Variants in DDX10 observed in about 807,000 individuals in gnomAD.
The protein encoded by DDX10 is probable ATP-dependent RNA helicase DDX10.
In DDX10, 74 loss-of-function variants were observed where a neutral mutation model predicts 104.3. The ratio of observed to expected loss-of-function variants is 0.71; its 90% CI spans 0.59 to 0.86. The LOEUF (loss-of-function observed/expected upper bound fraction) is 0.86, where lower values mean the gene tolerates loss of function less well. Ranked by LOEUF, DDX10 falls within the 40% of genes least tolerant of loss-of-function variation. The pLI is 0.00. For synonymous variants in DDX10, 351 were observed against 353.4 expected, an observed-to-expected ratio of 0.99 and a Z score of 0.08; for missense variants, 952 against 1,040.0, an observed-to-expected ratio of 0.92 and a Z score of 1.16.
At chr11:108,792,151 C>T (rs75310241) in intron 13 of DDX10, among the ~76,000 whole-genome samples, 2 of 151,988 alleles carry the variant, frequency 1.3e-5, no homozygotes, top group East Asian at 3.9e-4. Flanking sequence ...TTTTAAGATT[C>T]TTGACTATAT....
In DDX10 at chr11:108,677,222, T is replaced by A; in HGVS notation, c.516T>A (p.Ala172=). The change falls in exon 4 of 18, where the codon GCT becomes GCA. Residue 172 remains alanine, a synonymous_variant. Coordinates refer to ENST00000322536, the MANE Select transcript of DDX10 (RefSeq NM_004398.4). Reference sequence around the variant, plus strand: ...TAGGAAAGAATCATGACTTCTCAGCTGGTCTCATCATTGGTGGAAAGGTTT... The same window carrying A: ...TAGGAAAGAATCATGACTTCTCAGCAGGTCTCATCATTGGTGGAAAGGTTT... ...RKVGKNHDFS[A]GLIIGGKDLK... 1 of 1,613,740 alleles carries A rather than the reference T, an allele frequency of 6.2e-7. No individual in the cohort carries two copies. The highest frequency in any genetic ancestry group is 8.5e-7 in the Non-Finnish European group (1 of 1,179,748).
At chr11:108,841,293 C>T (rs1191404814) in intron 14 of DDX10, 22 bp from the exon 15 acceptor site, 1 of 1,607,576 alleles carries the variant, frequency 6.2e-7, no homozygotes, top group Non-Finnish European at 8.5e-7. Context: ...CCTGTTGACA[C>T]TGACCTTTTT....
At chr11:108,703,339 C>CT (rs111256160) in intron 9 of DDX10, among the ~76,000 whole-genome samples, 1 of 113,290 alleles carries the variant, frequency 8.8e-6, no homozygotes, top group Admixed American at 8.6e-5. Flanking sequence ...AAGTGTAGAT[C>CT]TTTTTTTTTG....
intron 9 of DDX10, among the ~76,000 whole-genome samples, chr11:108,699,825 GA>G (rs1197880727): frequency 1.3e-5 from 2 of 152,166 alleles, no homozygotes; most frequent in Admixed American, 6.5e-5. Flanking sequence ...AGTGAAACAA[GA>G]AGAGGTGTGG....
At chr11:108,864,499 G>A (rs1044027708) in intron 16 of DDX10, among the ~76,000 whole-genome samples, 1 of 151,956 alleles carries the variant, frequency 6.6e-6, no homozygotes, top group Non-Finnish European at 1.5e-5. Context: ...TGGTGACAGG[G>A]TCTTACTCTG....
intron 16 of DDX10, among the ~76,000 whole-genome samples, chr11:108,903,007 C>T (rs1300469594): frequency 1.3e-5 from 2 of 152,054 alleles, no homozygotes; most frequent in African/African-American, 4.8e-5. Context: ...CATAGAGTTA[C>T]CATACAACCC....
rs556932497 is a variant in DDX10, at chr11:108,875,901, G to A, written c.2304+23692G>A. On this transcript the variant is annotated intron_variant, in intron 16 of 17. Transcript: ENST00000322536. ...TGGGTTTCACTGTTTTCATACAGAT[G>A]ATGCCTAGCTTATAAGACTGTGGGA... 3.3e-5 allele frequency among the ~76,000 whole-genome samples: 5 copies of A among 152,250 alleles called. No homozygotes were observed. The South Asian group carries it at 1.0e-3, about 32-fold the overall frequency.
At chr11:108,820,946 G>A (rs1862318662) in intron 13 of DDX10, among the ~76,000 whole-genome samples, 1 of 152,224 alleles carries the variant, frequency 6.6e-6, no homozygotes, top group Non-Finnish European at 1.5e-5. Context: ...GCATGTCAGA[G>A]TCTTTGAGTG....
At chr11:108,820,736 T>C (rs1419684199) in intron 13 of DDX10, among the ~76,000 whole-genome samples, 1 of 152,198 alleles carries the variant, frequency 6.6e-6, no homozygotes, top group Admixed American at 6.5e-5. Context: ...GGAAAGACGA[T>C]GGGAATGGTT....
At chr11:108,828,545 G>GT (rs1400393604) in intron 13 of DDX10, among the ~76,000 whole-genome samples, 4 of 150,542 alleles carry the variant, frequency 2.7e-5, no homozygotes, top group African/African-American at 9.8e-5. Flanking sequence ...TTTTTTGTTT[G>GT]TTTTTTGTTT....
intron 10 of DDX10, among the ~76,000 whole-genome samples, chr11:108,711,093 G>T (rs1183298226): frequency 6.6e-6 from 1 of 152,146 alleles, no homozygotes; most frequent in Non-Finnish European, 1.5e-5. Flanking sequence ...GACCACTGTT[G>T]TATATGCAGT....
chr11:108,751,758 C>T (rs1184030524), intron 13 of DDX10, among the ~76,000 whole-genome samples: 6 of 152,166 alleles, frequency 3.9e-5, no homozygotes, highest in Non-Finnish European at 8.8e-5. Context: ...AGATTCACAT[C>T]TCCCATTATC....
intron 9 of DDX10, among the ~76,000 whole-genome samples, chr11:108,694,902 A>T (rs1030617136): frequency 1.3e-5 from 2 of 152,060 alleles, no homozygotes; most frequent in African/African-American, 4.8e-5. Context: ...AACAAAACAA[A>T]TAAAAAAAAA....
intron 13 of DDX10, among the ~76,000 whole-genome samples, chr11:108,796,542 T>C (rs139057579): frequency 3.9e-4 from 60 of 152,328 alleles, no homozygotes; most frequent in African/African-American, 1.3e-3. Context: ...ATTTTTATTA[T>C]CTGGGATGAC....
intron 13 of DDX10, among the ~76,000 whole-genome samples, chr11:108,782,827 A>G (rs1304829047): frequency 2.6e-5 from 4 of 152,120 alleles, no homozygotes; most frequent in African/African-American, 4.8e-5. Flanking sequence ...GGTAGGAGGA[A>G]AGTCAGAGAG....
intron 13 of DDX10, among the ~76,000 whole-genome samples, chr11:108,793,544 T>C (rs554708589): frequency 2.6e-5 from 4 of 152,296 alleles, no homozygotes; most frequent in Middle Eastern, 3.4e-3. Flanking sequence ...TGGAATTAAC[T>C]CATATTTTTC....
intron 13 of DDX10, among the ~76,000 whole-genome samples, chr11:108,778,948 A>G (rs1297458487): frequency 6.6e-6 from 1 of 152,236 alleles, no homozygotes; most frequent in Non-Finnish European, 1.5e-5. Context: ...GCTCATCATC[A>G]CTGGCCATCA....
intron 13 of DDX10, among the ~76,000 whole-genome samples, chr11:108,797,681 T>C (rs950891667): frequency 6.6e-6 from 1 of 152,240 alleles, no homozygotes; most frequent in East Asian, 1.9e-4. Flanking sequence ...TCACAGCAGC[T>C]AAATTTCCAG....
chr11:108,720,031 G>A, intron 12 of DDX10, 146 bp downstream of exon 12: 1 of 634,636 alleles, frequency 1.6e-6, no homozygotes, highest in Non-Finnish European at 2.8e-6. Context: ...ACTTCCTGAA[G>A]TGTTAGGACT....
Sources: gnomAD v4.1 joint callset for allele counts (sites outside exome capture counted in the v4.1 genomes callset) on GRCh38, gnomAD v4.1.1 for gene constraint, MANE v1.5 for transcripts, NCBI Gene and HGNC (gene_info 2026-07-23, HGNC 2026-07-21) for gene names.